PKP1: variants seen among roughly 807,000 people sequenced by gnomAD.
The protein encoded by PKP1 is plakophilin-1.
Under a neutral mutation model 76.4 loss-of-function variants are expected in PKP1, and 27 were observed. The ratio of observed to expected loss-of-function variants is 0.35; its 90% CI spans 0.26 to 0.49. PKP1 has a LOEUF of 0.49. Among genes scored for constraint, PKP1 ranks in the 20% least tolerant of loss-of-function variants. PKP1 has a pLI of 0.99. For missense variants in PKP1, 964 were observed against 955.2 expected, an observed-to-expected ratio of 1.01 and a Z score of -0.12; for synonymous variants, 404 against 384.2, an observed-to-expected ratio of 1.05 and a Z score of -0.60.
intron 1 of PKP1, among the ~76,000 whole-genome samples, chr1:201,286,596 C>A (rs1044322458): frequency 6.6e-6 from 1 of 152,202 alleles, no homozygotes; most frequent in East Asian, 1.9e-4. Flanking sequence ...ACAGATCAGA[C>A]AAGCACCTTG....
rs1439764029 is a variant in PKP1 at position 201,325,751 on chromosome 1, C to CA, written c.2022-2dup. On this transcript the variant is annotated splice_polypyrimidine_tract_variant and splice_region_variant and intron_variant, in intron 11 of 13. Transcript: ENST00000367324. The stretch of plus-strand genomic sequence containing the variant: ...CTCACAAATGCACTTCTCACCTGCC[C>CA]AGTGCCTCACCCAAGGCCGCAGAAG... 2 of 1,611,896 alleles carry CA rather than the reference C, an allele frequency of 1.2e-6. No individual in the cohort carries two copies. Among genetic ancestry groups the CA allele is most frequent in the South Asian group, 2.2e-5 (2 of 91,030 alleles).
intron 2 of PKP1, among the ~76,000 whole-genome samples, chr1:201,304,939 T>C (rs1656332070): frequency 6.6e-6 from 1 of 152,222 alleles, no homozygotes; most frequent in Admixed American, 6.5e-5. Flanking sequence ...ATTGGCCAGC[T>C]GGGAGATAAT....
chr1:201,311,282 G>A (rs1656543997), intron 2 of PKP1, among the ~76,000 whole-genome samples: 1 of 152,194 alleles, frequency 6.6e-6, no homozygotes, highest in South Asian at 2.1e-4. Context: ...ATACCCAGAT[G>A]CTCAGAAAAT....
chr1:201,320,221 C>G (rs746368811), intron 6 of PKP1, 46 bp from the exon 7 acceptor site: 5 of 1,240,214 alleles, frequency 4.0e-6, no homozygotes, highest in Admixed American at 1.7e-5. Flanking sequence ...TCCCCGTTCT[C>G]TCTTCCCCCT....
intron 3 of PKP1, among the ~76,000 whole-genome samples, chr1:201,314,191 G>T (rs1458907722): frequency 6.6e-6 from 1 of 152,222 alleles, no homozygotes; most frequent in South Asian, 2.1e-4. Context: ...GGTGGCTCAC[G>T]CCTGTAATCC....
chr1:201,284,683 T>C (rs1353644940), intron 1 of PKP1, among the ~76,000 whole-genome samples: 1 of 152,186 alleles, frequency 6.6e-6, no homozygotes. Context: ...GAATAGCCAA[T>C]GCAGAAATCC....
Position 201,325,068 on chromosome 1 carries a change from G to A in PKP1, c.1962G>A (p.Leu654=), listed in dbSNP as rs1657074523. Residue 654 remains leucine, a synonymous_variant, in exon 11 of 14, where the codon CTG becomes CTA. Transcript: ENST00000367324. The stretch of plus-strand genomic sequence containing the variant: ...ACCTGATGGCCTCGCAGCCACAACT[G>A]GCCAAGCAGTACTTCTCCAGCAGCA... ...VRNLMASQPQ[L]AKQYFSSSML... is the part of the protein sequence containing the mutation. 5 of 1,613,918 alleles carry A rather than the reference G, an allele frequency of 3.1e-6. No homozygotes were observed. The South Asian group carries it at 4.4e-5, about 14-fold the overall frequency.
At chr1:201,294,962 CTA>C (rs1360066297) in intron 2 of PKP1, among the ~76,000 whole-genome samples, 3 of 152,216 alleles carry the variant, frequency 2.0e-5, no homozygotes, top group Non-Finnish European at 2.9e-5. Flanking sequence ...CCTCCAAATT[CTA>C]TGACTTTCAT....
Position 201,293,975 on chromosome 1 carries a change from A to G in PKP1, c.236A>G (p.Asn79Ser). 1 of 1,613,856 alleles carries G rather than the reference A, an allele frequency of 6.2e-7. No individual in the cohort carries two copies. Among genetic ancestry groups the G allele is most frequent in the African/African-American group, 1.3e-5 (1 of 75,038 alleles). The change falls in exon 2 of 14, where the codon AAC becomes AGC. Residue 79 changes from asparagine to serine, a missense_variant. Asn to Ser is a conservative substitution (Grantham distance 46). Transcript: ENST00000367324. ...TATGATGGCTTGGCTGACAATTACA[A>G]CTATGGGACCACCAGCAGGAGCAGC... ...SMYDGLADNY[N>S]YGTTSRSSYY...
At chr1:201,306,338 C>T (rs1257368415) in intron 2 of PKP1, among the ~76,000 whole-genome samples, 1 of 152,210 alleles carries the variant, frequency 6.6e-6, no homozygotes, top group Admixed American at 6.5e-5. Context: ...TGCACAAGTG[C>T]GTGTTGTCCC....
chr1:201,310,513 A>G (rs989950159), intron 2 of PKP1, among the ~76,000 whole-genome samples: 3 of 152,182 alleles, frequency 2.0e-5, no homozygotes, highest in Non-Finnish European at 2.9e-5. Flanking sequence ...TTCAGCCTTC[A>G]AGGCTGCAGG....
chr1:201,307,245 G>C (rs1656397399), intron 2 of PKP1, among the ~76,000 whole-genome samples: 1 of 152,166 alleles, frequency 6.6e-6, no homozygotes, highest in Admixed American at 6.5e-5. Context: ...GGATTGCTCT[G>C]TGTCCAGGCG....
chr1:201,318,619 G>A lies in PKP1; in HGVS notation c.1056G>A (p.Gly352=), dbSNP rs1344426805. ...GGGTTGATGGTCTCTGACCCCCAGG[G>A]CTGCTCTGGAACCTGTCTTCCACTG... ...GNAEIQKQLT[G]LLWNLSSTDE... is the part of the protein sequence containing the mutation. The change falls in exon 6 of 14, where the codon GGG becomes GGA. Residue 352 remains glycine, a splice_region_variant and synonymous_variant. Transcript: ENST00000367324. 1 of 1,611,952 alleles carries A rather than the reference G, an allele frequency of 6.2e-7. No homozygotes were observed. The highest frequency in any genetic ancestry group is 8.5e-7 in the Non-Finnish European group (1 of 1,179,880).
rs775128783 is a variant in PKP1 at position 201,313,423 on chromosome 1, C to T, written c.564C>T (p.Ser188=). ...CCCAGAACCGCTACAGCTTTTACAG[C>T]ACCTGCAGTGGTCAGAAGGCCATAA... ...KTTQNRYSFY[S]TCSGQKAIKK... Residue 188 remains serine (S), a synonymous_variant, in exon 3 of 14, where the codon AGC becomes AGT. Transcript: ENST00000367324. 5 of 1,596,736 alleles carry T rather than the reference C, an allele frequency of 3.1e-6. No individual in the cohort carries two copies. Among genetic ancestry groups the T allele is most frequent in the Non-Finnish European group, 4.3e-6 (5 of 1,171,688 alleles).
At chr1:201,284,851 G>A (rs12063398) in intron 1 of PKP1, among the ~76,000 whole-genome samples, 22,869 of 151,894 alleles carry the variant, frequency 0.15, 2,678 homozygotes, top group African/African-American at 0.33. Flanking sequence ...CCCGGGCCTG[G>A]CACCCCCTCC....
intron 3 of PKP1, among the ~76,000 whole-genome samples, chr1:201,313,819 C>A: frequency 6.6e-6 from 1 of 152,174 alleles, no homozygotes; most frequent in Non-Finnish European, 1.5e-5. Context: ...AGTTTATGAA[C>A]AGAAAGAGGC....
intron 4 of PKP1, among the ~76,000 whole-genome samples, chr1:201,317,340 C>T (rs1029752723): frequency 1.3e-5 from 2 of 152,124 alleles, no homozygotes; most frequent in Non-Finnish European, 2.9e-5. Flanking sequence ...GAGGTTCTCC[C>T]AGCTAGGATA....
chr1:201,322,994 A>C lies in PKP1; in HGVS notation c.1504-19A>C. ...ACAAGGCTCCCCATTGACCCCCCTGACCGGCTCTTTATCCTCAGAACAACA... is the reference window on the plus strand; with the variant it reads ...ACAAGGCTCCCCATTGACCCCCCTGCCCGGCTCTTTATCCTCAGAACAACA... On this transcript the variant is annotated intron_variant, in intron 8 of 13. Transcript: ENST00000367324. The C allele has an allele frequency of 6.2e-7, 1 of 1,613,378 alleles. No individual in the cohort carries two copies. Among genetic ancestry groups the C allele is most frequent in the South Asian group, 1.1e-5 (1 of 91,036 alleles).
intron 7 of PKP1, among the ~76,000 whole-genome samples, chr1:201,321,468 C>A (rs1267896681): frequency 6.6e-6 from 1 of 152,070 alleles, no homozygotes; most frequent in Non-Finnish European, 1.5e-5. Flanking sequence ...CTTAGCACCG[C>A]TGACATTGAC....
Sources: gnomAD v4.1 joint callset for allele counts (sites outside exome capture counted in the v4.1 genomes callset) on GRCh38, gnomAD v4.1.1 for gene constraint, MANE v1.5 for transcripts, NCBI Gene and HGNC (gene_info 2026-07-23, HGNC 2026-07-21) for gene names.